The following CEP43 variants were observed in gnomAD, a reference collection of about 807,000 sequenced individuals.
CEP43 encodes the protein centrosomal protein 43, also known as FGFR1 oncogene partner.
A neutral mutation model predicts 52.6 loss-of-function variants in CEP43; 36 were observed. The observed-to-expected ratio is 0.68, with a 90% confidence interval of 0.52 to 0.90. The LOEUF (loss-of-function observed/expected upper bound fraction) is 0.90. Among genes scored for constraint, CEP43 ranks in the 40% least tolerant of loss-of-function variants. The pLI, the probability that CEP43 is intolerant of heterozygous loss-of-function variation, is 0.00. For missense variants in CEP43, 506 were observed against 472.8 expected (o/e 1.07, Z -0.65); for synonymous variants, 192 against 172.4 (o/e 1.11, Z -0.89).
At chr6:167,022,296 A>AC (rs1780254394) in intron 7 of CEP43, 113 bp from the exon 8 acceptor site, 26 of 679,688 alleles carry the variant, frequency 3.8e-5, no homozygotes, top group East Asian at 8.2e-5. Context: ...ACACACACAC[A>AC]AAGGTTGCAC....
chr6:167,041,785 C>T lies in CEP43; in HGVS notation c.*1807C>T. On this transcript the variant is annotated 3_prime_UTR_variant, in exon 13 of 13. Coordinates refer to ENST00000366847, the MANE Select transcript of CEP43 (RefSeq NM_007045.4). ...ATTTGGGAGGGTAAAAGAAATATGCCAAATATGAAACTTTTTTGTCAGCAC... is the reference window on the plus strand; with the variant it reads ...ATTTGGGAGGGTAAAAGAAATATGCTAAATATGAAACTTTTTTGTCAGCAC... The T allele has an allele frequency of 1.1e-6, 1 of 932,686 alleles. No homozygotes were observed. Among genetic ancestry groups the T allele is most frequent in the East Asian group, 1.3e-4 (1 of 7,974 alleles). 57.8% of individuals were successfully genotyped at this position (932,686 alleles called of 1,614,324 possible).
intron 12 of CEP43, among the ~76,000 whole-genome samples, chr6:167,034,670 C>T (rs1424513799): frequency 6.6e-6 from 1 of 151,636 alleles, no homozygotes; most frequent in Non-Finnish European, 1.5e-5. Flanking sequence ...GGGAGAAGGC[C>T]TTTGAGAGAG....
At chr6:167,020,874 A>C (rs1221482891) in intron 7 of CEP43, among the ~76,000 whole-genome samples, 3 of 143,076 alleles carry the variant, frequency 2.1e-5, no homozygotes, top group African/African-American at 5.3e-5. Context: ...GCCCCACTGC[A>C]CTCCAGCCTG....
At chr6:167,020,544 G>C (rs1780202506) in intron 7 of CEP43, among the ~76,000 whole-genome samples, 1 of 152,104 alleles carries the variant, frequency 6.6e-6, no homozygotes, top group Non-Finnish European at 1.5e-5. Context: ...GATATAATTT[G>C]ATCTGAAAAA....
At chr6:167,019,258 CATACACCT>C in intron 7 of CEP43, among the ~76,000 whole-genome samples, 3 of 146,658 alleles carry the variant, frequency 2.0e-5, no homozygotes, top group African/African-American at 7.6e-5. Context: ...TGTGCACACG[CATACACCT>C]GCTGTGCACA....
Position 167,033,961 on chromosome 6 carries a change from C to T in CEP43, c.1115C>T (p.Thr372Ile), listed in dbSNP as rs748010679. 3 of 1,519,580 alleles carry T rather than the reference C, an allele frequency of 2.0e-6. No individual in the cohort carries two copies. In the African/African-American group the frequency reaches 4.1e-5, roughly 21 times the overall value. The allele number at this position is 1,519,580 out of a possible 1,614,324, so 94.1% of individuals were successfully genotyped here. ...DLSVEIDDIN[T>I]SDKLDDLTQD... ...TCTGTGGAAATAGATGACATCAATACCAGTGATAAGGTATGGTGTTCTGCA... is the reference window on the plus strand; with the variant it reads ...TCTGTGGAAATAGATGACATCAATATCAGTGATAAGGTATGGTGTTCTGCA... The change falls in exon 12 of 13, where the codon ACC becomes ATC. Residue 372 changes from threonine to isoleucine, a missense_variant. Transcript: ENST00000366847.
chr6:167,044,336 G>A lies in CEP43; in HGVS notation c.*4358G>A. On this transcript the variant is annotated 3_prime_UTR_variant, in exon 13 of 13. Coordinates refer to ENST00000366847, the MANE Select transcript of CEP43 (RefSeq NM_007045.4). ...GTTGGCCTAAGATAATTCAGTAGCA[G>A]GGCTGAATAATGGGATGACTCAAAA... 1.1e-6 allele frequency: 1 copy of A among 921,382 alleles called. No homozygotes were observed. The highest frequency in any genetic ancestry group is 1.3e-6 in the Non-Finnish European group (1 of 771,454). The allele number at this position is 921,382 out of a possible 1,614,324, so 57.1% of individuals were successfully genotyped here. A position where few individuals can be genotyped will look rare whatever the true frequency, so the allele number is the denominator to read the frequency against.
chr6:167,025,976 C>T (rs1394339123), intron 9 of CEP43, among the ~76,000 whole-genome samples: 1 of 152,124 alleles, frequency 6.6e-6, no homozygotes, highest in Non-Finnish European at 1.5e-5. Context: ...GAATTCATAC[C>T]TAACAGGGCT....
chr6:166,999,571 G>A, intron 1 of CEP43, 57 bp downstream of exon 1: 2 of 1,252,748 alleles, frequency 1.6e-6, no homozygotes, highest in Non-Finnish European at 2.1e-6. Flanking sequence ...CGTGGACAGC[G>A]GGCGTCACAA....
At position 167,001,547 on chromosome 6, in the gene CEP43, A is replaced by G. The variant is rs1049020035; in HGVS notation, c.156+1434A>G. 3.3e-5 allele frequency among the ~76,000 whole-genome samples: 5 copies of G among 152,276 alleles called. No individual in the cohort carries two copies. In the East Asian group the frequency reaches 5.8e-4, roughly 18 times the overall value. ...TCTCACAGACTGACCTTATTCATCC[A>G]GTAACTCCAGCCCTGTAACTTTCAT... On this transcript the variant is annotated intron_variant, in intron 2 of 12. Coordinates refer to ENST00000366847, the MANE Select transcript of CEP43 (RefSeq NM_007045.4).
chr6:167,023,579 A>G (rs1196792321), intron 8 of CEP43, among the ~76,000 whole-genome samples: 3 of 152,160 alleles, frequency 2.0e-5, no homozygotes, highest in African/African-American at 7.2e-5. Context: ...GTTGGGATTG[A>G]TGGAGAGGTC....
In CEP43 at chr6:167,052,701, T is replaced by G. The variant is rs541937587; in HGVS notation, c.*12723T>G. The G allele has an allele frequency of 3.3e-5, 5 of 152,284 alleles. No individual in the cohort carries two copies. Among genetic ancestry groups the G allele is most frequent in the African/African-American group, 9.6e-5 (4 of 41,542 alleles). 9.4% of individuals were successfully genotyped at this position (152,284 alleles called of 1,614,324 possible). A position where few individuals can be genotyped will look rare whatever the true frequency, so the allele number is the denominator to read the frequency against. ...TTTTGTTCAGTTGAAATTAAATAAATTTTATGCACAAACCTTTCATGGCTG... is the reference window on the plus strand; with the variant it reads ...TTTTGTTCAGTTGAAATTAAATAAAGTTTATGCACAAACCTTTCATGGCTG... On this transcript the variant is annotated 3_prime_UTR_variant, in exon 13 of 13. Coordinates refer to ENST00000366847, the MANE Select transcript of CEP43 (RefSeq NM_007045.4).
chr6:167,030,304 A>G (rs572189884), intron 10 of CEP43, among the ~76,000 whole-genome samples: 4 of 152,284 alleles, frequency 2.6e-5, no homozygotes, highest in Non-Finnish European at 4.4e-5. Flanking sequence ...GAACACTACA[A>G]TGGGTCCTTG....
In CEP43 at chr6:167,007,234, G is replaced by A. The variant is rs1257662863; in HGVS notation, c.438+2833G>A. On this transcript the variant is annotated intron_variant, in intron 5 of 12. Coordinates refer to ENST00000366847, the MANE Select transcript of CEP43 (RefSeq NM_007045.4). ...GTGTACCTCAAAATGAGACCCAGTA[G>A]CATGCCTGTGTAGTGGGTGTGATGT... Among the ~76,000 whole-genome samples, 3 of 152,202 alleles carry A rather than the reference G, an allele frequency of 2.0e-5. No homozygotes were observed. The East Asian group carries it at 5.8e-4, about 29-fold the overall frequency.
chr6:167,029,156 C>T (rs1354329201), intron 10 of CEP43, among the ~76,000 whole-genome samples: 2 of 152,108 alleles, frequency 1.3e-5, no homozygotes, highest in Non-Finnish European at 2.9e-5. Flanking sequence ...GGTCATCAGC[C>T]AGAGGCAAGA....
Position 167,003,240 on chromosome 6 carries a change from C to T in CEP43, c.204C>T (p.Thr68=), listed in dbSNP as rs1421437501. The T allele has an allele frequency of 2.0e-6, 3 of 1,481,486 alleles. No individual in the cohort carries two copies. The highest frequency in any genetic ancestry group is 1.7e-4 in the Middle Eastern group (1 of 5,758). 91.8% of individuals were successfully genotyped at this position (1,481,486 alleles called of 1,614,324 possible). A position where few individuals can be genotyped will look rare whatever the true frequency, so the allele number is the denominator to read the frequency against. ...VNESLKKFLN[T]KDGRLVASLV... ...AGAGCCTGAAAAAGTTTTTAAATAC[C>T]AAAGACGGTAAGATGTTCAGTTTGT... The change falls in exon 3 of 13, where the codon ACC becomes ACT. Residue 68 remains threonine (T), a synonymous_variant. Transcript: ENST00000366847.
chr6:167,012,958 AT>A (rs1392643750), intron 6 of CEP43, among the ~76,000 whole-genome samples: 2 of 152,306 alleles, frequency 1.3e-5, no homozygotes, highest in Middle Eastern at 3.4e-3. Flanking sequence ...ATAAACCCTT[AT>A]TTTGGCACTT....
Position 166,999,433 on chromosome 6 carries a change from A to T in CEP43, c.21A>T (p.Ala7=). The T allele has an allele frequency of 6.8e-7, 1 of 1,478,008 alleles. No individual in the cohort carries two copies. Among genetic ancestry groups the T allele is most frequent in the African/African-American group, 1.5e-5 (1 of 68,420 alleles). The allele number at this position is 1,478,008 out of a possible 1,614,324, so 91.6% of individuals were successfully genotyped here. The change falls in exon 1 of 13, where the codon GCA becomes GCT. Residue 7 remains alanine (A), a synonymous_variant. Coordinates refer to ENST00000366847, the MANE Select transcript of CEP43 (RefSeq NM_007045.4). MAATAA[A]VVAEEDTELR... ...GCAAGATGGCGGCGACGGCGGCCGC[A>T]GTGGTGGCCGAGGAGGACACGGAGC...
chr6:166,999,798 G>A (rs1478280453), intron 1 of CEP43: 1 of 529,316 alleles, frequency 1.9e-6, no homozygotes, highest in Non-Finnish European at 3.3e-6. Context: ...CACACGGGCG[G>A]CCCGCAGCTG....
Sources: gnomAD v4.1 joint callset for allele counts (sites outside exome capture counted in the v4.1 genomes callset) on GRCh38, gnomAD v4.1.1 for gene constraint, MANE v1.5 for transcripts, NCBI Gene and HGNC (gene_info 2026-07-23, HGNC 2026-07-21) for gene names.